The following R3HDM1 variants were observed in gnomAD, a reference collection of about 807,000 sequenced individuals.
The protein encoded by R3HDM1 is R3H domain containing 1, also known as R3H domain-containing protein 1.
A neutral mutation model predicts 141.1 loss-of-function variants in R3HDM1; 46 were observed. The ratio of observed to expected loss-of-function variants is 0.33; its 90% CI spans 0.26 to 0.42. The LOEUF (loss-of-function observed/expected upper bound fraction) is 0.42, where lower values mean the gene tolerates loss of function less well. Ranked by LOEUF, R3HDM1 falls within the 10% of genes least tolerant of loss-of-function variation. The pLI, the probability that R3HDM1 is intolerant of heterozygous loss-of-function variation, is 1.00. For missense variants in R3HDM1, 1,184 were observed against 1,368.3 expected (o/e 0.87, Z 2.12); for synonymous variants, 435 against 472.9 (o/e 0.92, Z 1.04).
At chr2:135,690,124 CTG>C (rs1305574530) in intron 21 of R3HDM1, among the ~76,000 whole-genome samples, 1 of 152,064 alleles carries the variant, frequency 6.6e-6, no homozygotes, top group Non-Finnish European at 1.5e-5. Flanking sequence ...TGTCCACAGT[CTG>C]TTTTTCCTCA....
At chr2:135,650,376 C>G in intron 17 of R3HDM1, 1 of 984,682 alleles carries the variant, frequency 1.0e-6, no homozygotes, top group Non-Finnish European at 1.2e-6. Flanking sequence ...CACTGTAGCT[C>G]CAGTAGACCC....
chr2:135,680,139 C>T (rs1401983198), intron 20 of R3HDM1, 34 bp from the exon 21 acceptor site: 1 of 1,598,676 alleles, frequency 6.3e-7, no homozygotes, highest in South Asian at 1.1e-5. Flanking sequence ...TTGAAAAAAA[C>T]CTTTTTCTCT....
chr2:135,651,788 A>T lies in R3HDM1; in HGVS notation c.1784A>T (p.Asp595Val). ...AGTCTTGCTCGCCAGCCATCTGCTG[A>T]TGGTTCTGACCCTCATGCCGCCATG... ...HMSLARQPSA[D>V]GSDPHAAMFQ... is the part of the protein sequence containing the mutation. The change falls in exon 18 of 27, where the codon GAT (aspartate) becomes GTT (valine). Residue 595 changes from aspartate (D) to valine (V), a missense_variant. Asp to Val is a radical substitution (Grantham distance 152, BLOSUM62 -3). Transcript: ENST00000683871. 6.2e-7 allele frequency: 1 copy of T among 1,613,828 alleles called. No homozygotes were observed.
intron 24 of R3HDM1, among the ~76,000 whole-genome samples, chr2:135,717,013 T>C (rs1380195807): frequency 6.6e-6 from 1 of 152,094 alleles, no homozygotes; most frequent in African/African-American, 2.4e-5. Flanking sequence ...ATATGGTAAG[T>C]GATTTTGAAA....
intron 26 of R3HDM1, 109 bp downstream of exon 26, chr2:135,722,662 C>A: frequency 9.1e-7 from 1 of 1,104,502 alleles, no homozygotes; most frequent in Non-Finnish European, 1.3e-6. Flanking sequence ...TGCAAAAAGT[C>A]ATAATTTTTG....
intron 7 of R3HDM1, among the ~76,000 whole-genome samples, chr2:135,628,403 A>C (rs2062269446): frequency 6.6e-6 from 1 of 152,180 alleles, no homozygotes. Flanking sequence ...CAATCTATAG[A>C]TGTACGTCTT....
intron 1 of R3HDM1, among the ~76,000 whole-genome samples, chr2:135,535,229 G>A (rs924814314): frequency 1.3e-5 from 2 of 152,060 alleles, no homozygotes; most frequent in African/African-American, 4.8e-5. Flanking sequence ...GGCCAGGCGG[G>A]GTGGCTCACA....
At position 135,626,209 on chromosome 2, in the gene R3HDM1, G is replaced by GTGCGTGCGTGCGTGTGTGCTTGCTTGCT. The variant is rs1553576639; in HGVS notation, c.497+3480_497+3481insGTGCGTGCGTGTGTGCTTGCTTGCTTGC. On this transcript the variant is annotated intron_variant, in intron 7 of 26. Transcript: ENST00000683871. ...CGTGCGTGCGTGCGTGCGTGCGTGCGTGCTTGCTTGCTTGCTTGCTTGCTT... is the reference window on the plus strand; with the variant it reads ...CGTGCGTGCGTGCGTGCGTGCGTGCGTGCGTGCGTGCGTGTGTGCTTGCTTGCTTGCTTGCTTGCTTGCTTGCTTGCTT... Among the ~76,000 whole-genome samples, 15 of 143,448 alleles carry GTGCGTGCGTGCGTGTGTGCTTGCTTGCT rather than the reference G, an allele frequency of 1.0e-4. No homozygotes were observed. In the South Asian group the frequency reaches 3.2e-3, roughly 31 times the overall value. 94.1% of individuals were successfully genotyped at this position (143,448 alleles called of 152,430 possible).
intron 21 of R3HDM1, among the ~76,000 whole-genome samples, chr2:135,704,441 T>A (rs2074621525): frequency 1.3e-5 from 2 of 152,026 alleles, no homozygotes; most frequent in South Asian, 2.1e-4. Flanking sequence ...AAAAAGCATT[T>A]TAAAGTATTG....
chr2:135,569,363 G>C (rs1703529958), intron 1 of R3HDM1, among the ~76,000 whole-genome samples: 1 of 151,870 alleles, frequency 6.6e-6, no homozygotes, highest in Non-Finnish European at 1.5e-5. Flanking sequence ...CACGCCTGTA[G>C]TACCAGCTAC....
chr2:135,585,426 G>C, intron 1 of R3HDM1, among the ~76,000 whole-genome samples: 1 of 152,230 alleles, frequency 6.6e-6, no homozygotes, highest in Middle Eastern at 3.4e-3. Flanking sequence ...TCTTCACATC[G>C]TGCAGGTAAC....
intron 21 of R3HDM1, among the ~76,000 whole-genome samples, chr2:135,689,012 A>G (rs1225093577): frequency 2.0e-5 from 3 of 152,236 alleles, no homozygotes; most frequent in Admixed American, 2.0e-4. Flanking sequence ...AAGGATAAGA[A>G]TATGTATTTG....
chr2:135,715,811 C>CCGAGAT, intron 24 of R3HDM1, 117 bp downstream of exon 24: 1 of 1,251,142 alleles, frequency 8.0e-7, no homozygotes. Flanking sequence ...TGCATCTTCA[C>CCGAGAT]CTACACTCAG....
At chr2:135,688,021 G>A (rs772193763) in intron 21 of R3HDM1, among the ~76,000 whole-genome samples, 4 of 152,056 alleles carry the variant, frequency 2.6e-5, no homozygotes, top group Admixed American at 6.6e-5. Flanking sequence ...TTTTTCATTC[G>A]TGGACACGTT....
At chr2:135,531,740 G>C in intron 1 of R3HDM1, 107 bp downstream of exon 1, 1 of 985,778 alleles carries the variant, frequency 1.0e-6, no homozygotes, top group East Asian at 1.1e-4. Flanking sequence ...AGGCAGGCAG[G>C]GGAGAGATGT....
At chr2:135,532,757 G>A (rs992331093) in intron 1 of R3HDM1, among the ~76,000 whole-genome samples, 5 of 152,086 alleles carry the variant, frequency 3.3e-5, no homozygotes, top group Non-Finnish European at 7.3e-5. Context: ...AGGAATAATT[G>A]GACACGTCTC....
intron 1 of R3HDM1, among the ~76,000 whole-genome samples, chr2:135,552,392 C>T (rs1247813975): frequency 2.6e-5 from 4 of 151,950 alleles, no homozygotes; most frequent in Admixed American, 6.6e-5. Flanking sequence ...GACGGGGTTT[C>T]GCCATGTTGG....
At chr2:135,575,939 ACT>A (rs1705321834) in intron 1 of R3HDM1, among the ~76,000 whole-genome samples, 1 of 152,204 alleles carries the variant, frequency 6.6e-6, no homozygotes, top group African/African-American at 2.4e-5. Flanking sequence ...CCAGGAAGAA[ACT>A]GGAAAAGAAA....
At chr2:135,686,854 T>G (rs575335030) in intron 21 of R3HDM1, among the ~76,000 whole-genome samples, 3 of 152,276 alleles carry the variant, frequency 2.0e-5, no homozygotes, top group African/African-American at 7.2e-5. Context: ...TTGAGTAAAA[T>G]AAGCCAGTCA....
Sources: allele counts gnomAD v4.1 joint callset (sites outside exome capture counted in the v4.1 genomes callset), GRCh38; gene constraint gnomAD v4.1.1; transcripts MANE v1.5; gene names NCBI Gene and HGNC (gene_info 2026-07-23, HGNC 2026-07-21).